Variants in ST3GAL3 observed in about 807,000 individuals in gnomAD.
ST3GAL3 encodes the protein ST3 beta-galactoside alpha-2,3-sialyltransferase 3.
A neutral mutation model predicts 50.1 loss-of-function variants in ST3GAL3; 21 were observed. That is an observed-to-expected ratio of 0.42 (90% CI 0.30 to 0.60). The LOEUF (loss-of-function observed/expected upper bound fraction) is 0.60, where lower values mean the gene tolerates loss of function less well. Ranked by LOEUF, ST3GAL3 falls within the 20% of genes least tolerant of loss-of-function variation. The pLI is 0.19. For synonymous variants in ST3GAL3, 183 were observed against 190.0 expected (o/e 0.96, Z 0.30); for missense variants, 353 against 489.4 (o/e 0.72, Z 2.63).
intron 1 of ST3GAL3, among the ~76,000 whole-genome samples, chr1:43,723,876 T>C (rs1334974766): frequency 6.6e-6 from 1 of 152,232 alleles, no homozygotes; most frequent in Non-Finnish European, 1.5e-5. Context: ...CCTCCCAAAG[T>C]GCTGGGATTA....
chr1:43,835,979 G>C (rs759782283), intron 4 of ST3GAL3, among the ~76,000 whole-genome samples: 4 of 152,200 alleles, frequency 2.6e-5, no homozygotes, highest in Non-Finnish European at 5.9e-5. Context: ...GACCGTGTTG[G>C]TGGCAGTGCC....
At chr1:43,908,384 C>T (rs2080181465) in intron 9 of ST3GAL3, among the ~76,000 whole-genome samples, 1 of 152,176 alleles carries the variant, frequency 6.6e-6, no homozygotes, top group African/African-American at 2.4e-5. Context: ...AAAGTTCCTT[C>T]TCATACCAGC....
intron 6 of ST3GAL3, among the ~76,000 whole-genome samples, chr1:43,896,285 C>T (rs563034235): frequency 6.6e-6 from 1 of 152,274 alleles, no homozygotes; most frequent in Admixed American, 6.5e-5. Context: ...TTAACATGAC[C>T]TCTCGGCTAC....
At chr1:43,713,681 C>T (rs1011577655) in intron 1 of ST3GAL3, among the ~76,000 whole-genome samples, 2 of 151,972 alleles carry the variant, frequency 1.3e-5, no homozygotes, top group Admixed American at 6.6e-5. Flanking sequence ...CAGGCACTCA[C>T]GCACCACCAC....
chr1:43,853,514 A>G (rs1360164456), intron 5 of ST3GAL3, among the ~76,000 whole-genome samples: 2 of 152,222 alleles, frequency 1.3e-5, no homozygotes, highest in Non-Finnish European at 2.9e-5. Context: ...AAGTCCACAT[A>G]TTTAACAACC....
chr1:43,908,846 GCT>G (rs1280994400), intron 9 of ST3GAL3, among the ~76,000 whole-genome samples: 1 of 152,084 alleles, frequency 6.6e-6, no homozygotes, highest in Non-Finnish European at 1.5e-5. Context: ...TGGCCAGGCT[GCT>G]CTCAAACTCC....
intron 5 of ST3GAL3, among the ~76,000 whole-genome samples, chr1:43,849,250 T>C (rs3791076): frequency 0.17 from 25,741 of 150,986 alleles, 2,502 homozygotes; most frequent in African/African-American, 0.24. Context: ...TTTTTTTTTT[T>C]CATATGGGTA....
intron 2 of ST3GAL3, among the ~76,000 whole-genome samples, chr1:43,741,368 T>C (rs930101450): frequency 1.3e-5 from 2 of 152,212 alleles, no homozygotes; most frequent in Non-Finnish European, 2.9e-5. Context: ...TTCATGCTAC[T>C]GTGTTTATCA....
chr1:43,752,075 C>T (rs1265511793), intron 2 of ST3GAL3, among the ~76,000 whole-genome samples: 1 of 152,126 alleles, frequency 6.6e-6, no homozygotes, highest in African/African-American at 2.4e-5. Flanking sequence ...CCTTGGCCTC[C>T]CTAAGTGCGG....
At chr1:43,735,669 A>G (rs1678093812) in intron 1 of ST3GAL3, among the ~76,000 whole-genome samples, 1 of 152,226 alleles carries the variant, frequency 6.6e-6, no homozygotes, top group Non-Finnish European at 1.5e-5. Context: ...GCAAGGATCC[A>G]GCTGAGCCTC....
At position 43,796,782 on chromosome 1, in the gene ST3GAL3, A is replaced by G. The variant is rs139284739; in HGVS notation, c.166+4633A>G. 1.6e-4 allele frequency among the ~76,000 whole-genome samples: 24 copies of G among 152,384 alleles called. No individual in the cohort carries two copies. The East Asian group carries it at 4.4e-3, about 28-fold the overall frequency. On this transcript the variant is annotated intron_variant, in intron 3 of 11. Coordinates refer to ENST00000347631, the MANE Select transcript of ST3GAL3 (RefSeq NM_006279.5). Reference sequence around the variant, plus strand: ...ACCAATGCCAGTGCTGAGGTGACACAGATGTTTGAATAATCTAATAAAGAC... The same window carrying G: ...ACCAATGCCAGTGCTGAGGTGACACGGATGTTTGAATAATCTAATAAAGAC...
At chr1:43,725,286 C>G (rs551792687) in intron 1 of ST3GAL3, among the ~76,000 whole-genome samples, 2 of 152,124 alleles carry the variant, frequency 1.3e-5, no homozygotes, top group African/African-American at 2.4e-5. Flanking sequence ...TTACTCCAAC[C>G]TCTGACTCCC....
Position 43,724,577 on chromosome 1 carries a change from G to A in ST3GAL3, c.-30-11656G>A, listed in dbSNP as rs926972089. ...GCTGATAAATGCTAGTGATTTAACA[G>A]ACCTAAGTTATAGGTTCTTTTTTCA... is the stretch of plus-strand genomic sequence containing the variant. On this transcript the variant is annotated intron_variant, in intron 1 of 11. Coordinates refer to ENST00000347631, the MANE Select transcript of ST3GAL3 (RefSeq NM_006279.5). Among the ~76,000 whole-genome samples, 4 of 152,212 alleles carry A rather than the reference G, an allele frequency of 2.6e-5. 1 individual carries two copies. In the East Asian group the frequency reaches 7.7e-4, roughly 29 times the overall value.
intron 2 of ST3GAL3, among the ~76,000 whole-genome samples, chr1:43,774,213 T>C (rs1696340034): frequency 6.6e-6 from 1 of 152,234 alleles, no homozygotes; most frequent in South Asian, 2.1e-4. Context: ...TTGTTATTCT[T>C]ATATATAATA....
intron 1 of ST3GAL3, among the ~76,000 whole-genome samples, chr1:43,721,751 G>A (rs1320829613): frequency 6.6e-6 from 1 of 152,144 alleles, no homozygotes; most frequent in Non-Finnish European, 1.5e-5. Flanking sequence ...ACAGGCATGT[G>A]CCACTGCGCC....
At chr1:43,761,678 C>T (rs765437705) in intron 2 of ST3GAL3, among the ~76,000 whole-genome samples, 11 of 151,708 alleles carry the variant, frequency 7.3e-5, no homozygotes, top group Admixed American at 2.0e-4. Flanking sequence ...GGGCCGGGCG[C>T]GGTGGCTCAT....
rs193212001 is a variant in ST3GAL3, at chr1:43,829,005, G to C, written c.210-9214G>C. 2.6e-4 allele frequency among the ~76,000 whole-genome samples: 39 copies of C among 152,142 alleles called. No individual in the cohort carries two copies. In the East Asian group the frequency reaches 7.1e-3, roughly 28 times the overall value. ...TATTCATAATTGCCAAGAACTGGAA[G>C]CATCAAGATGTCCTTTAGTATGTAT... is the stretch of plus-strand genomic sequence containing the variant. On this transcript the variant is annotated intron_variant, in intron 4 of 11. Coordinates refer to ENST00000347631, the MANE Select transcript of ST3GAL3 (RefSeq NM_006279.5).
chr1:43,917,482 AAT>A (rs1255222731), intron 9 of ST3GAL3, among the ~76,000 whole-genome samples: 1 of 81,158 alleles, frequency 1.2e-5, no homozygotes, highest in Non-Finnish European at 2.2e-5. Flanking sequence ...TAATATATAT[AAT>A]ATATAATATA....
chr1:43,886,935 G>C (rs1401216783), intron 5 of ST3GAL3, among the ~76,000 whole-genome samples: 2 of 152,218 alleles, frequency 1.3e-5, no homozygotes, highest in African/African-American at 4.8e-5. Context: ...GGAATCCATA[G>C]CATGATAGAA....
Sources: allele counts gnomAD v4.1 joint callset (sites outside exome capture counted in the v4.1 genomes callset), GRCh38; gene constraint gnomAD v4.1.1; transcripts MANE v1.5; gene names NCBI Gene and HGNC (gene_info 2026-07-23, HGNC 2026-07-21).